BCAS1: variants seen among roughly 807,000 people sequenced by gnomAD.
BCAS1 encodes the protein breast carcinoma-amplified sequence 1.
Under a neutral mutation model 65.4 loss-of-function variants are expected in BCAS1, and 46 were observed. The observed-to-expected ratio is 0.70, with a 90% CI of 0.55 to 0.90. BCAS1 has a LOEUF of 0.90. Among genes scored for constraint, BCAS1 ranks in the 40% least tolerant of loss-of-function variants. The probability of loss-of-function intolerance (pLI) is 0.00; values close to 1 mark genes in which losing one functional copy is unlikely to be tolerated. For missense variants in BCAS1, 793 were observed against 771.2 expected (o/e 1.03, Z -0.33); for synonymous variants, 298 against 293.5 (o/e 1.02, Z -0.16).
At chr20:54,058,994 T>G (rs1048691925) in intron 1 of BCAS1, among the ~76,000 whole-genome samples, 3 of 152,128 alleles carry the variant, frequency 2.0e-5, no homozygotes, top group African/African-American at 4.8e-5. Flanking sequence ...AGAAGACACC[T>G]CTCCACAGGA....
At chr20:53,969,615 G>C (rs147890995) in intron 9 of BCAS1, among the ~76,000 whole-genome samples, 105 of 152,212 alleles carry the variant, frequency 6.9e-4, no homozygotes, top group African/African-American at 2.5e-3. Flanking sequence ...ATGAAAACAT[G>C]GAACAAGAAG....
At chr20:54,058,792 G>A in intron 1 of BCAS1, 69 bp from the exon 2 acceptor site, 1 of 1,578,290 alleles carries the variant, frequency 6.3e-7, no homozygotes, top group Non-Finnish European at 8.6e-7. Context: ...GTGCTACTAA[G>A]GTGCAGAGGC....
intron 1 of BCAS1, among the ~76,000 whole-genome samples, chr20:54,061,836 A>T (rs891966593): frequency 6.6e-6 from 1 of 152,220 alleles, no homozygotes; most frequent in Non-Finnish European, 1.5e-5. Context: ...TGTTAATGGG[A>T]CATTATGAAT....
At chr20:54,004,247 A>G (rs556505692) in intron 4 of BCAS1, among the ~76,000 whole-genome samples, 14 of 152,326 alleles carry the variant, frequency 9.2e-5, no homozygotes, top group African/African-American at 3.4e-4. Context: ...GGGTGCAATG[A>G]GAAGCTGGCC....
chr20:54,051,395 A>G (rs1203760490), intron 3 of BCAS1, among the ~76,000 whole-genome samples: 1 of 152,204 alleles, frequency 6.6e-6, no homozygotes, highest in Admixed American at 6.5e-5. Flanking sequence ...AGATGCAATA[A>G]ATTAACATAC....
At chr20:54,000,564 T>C (rs2091032255) in intron 4 of BCAS1, among the ~76,000 whole-genome samples, 1 of 152,176 alleles carries the variant, frequency 6.6e-6, no homozygotes, top group Non-Finnish European at 1.5e-5. Context: ...TTTTCTTCTC[T>C]CCTTTTCTCT....
chr20:54,028,611 C>A lies in BCAS1; in HGVS notation c.504G>T (p.Arg168Ser). 6.2e-7 allele frequency: 1 copy of A among 1,614,170 alleles called. No homozygotes were observed. The highest frequency in any genetic ancestry group is 8.5e-7 in the Non-Finnish European group (1 of 1,180,040). Residue 168 changes from arginine to serine, a missense_variant, in exon 4 of 13, where the codon AGG becomes AGT. Transcript: ENST00000688948. ...TCTCAGGTGGGAGAAGCGTGGGATC[C>A]CTGGCGGCAGAGAGGACCTTGTCTT... ...PAQDKVLSAA[R>S]DPTLLPPETG...
intron 4 of BCAS1, among the ~76,000 whole-genome samples, chr20:54,005,939 T>C (rs1014496276): frequency 1.3e-5 from 2 of 152,092 alleles, no homozygotes; most frequent in African/African-American, 2.4e-5. Context: ...ATGGGGGTTA[T>C]GAAAAGCAAG....
chr20:54,063,491 T>A (rs2092400514), intron 1 of BCAS1, among the ~76,000 whole-genome samples: 1 of 152,218 alleles, frequency 6.6e-6, no homozygotes, highest in Admixed American at 6.5e-5. Flanking sequence ...CAGCAACATT[T>A]CTGATTCCTG....
chr20:54,024,133 G>C (rs2091620513), intron 4 of BCAS1, among the ~76,000 whole-genome samples: 1 of 152,174 alleles, frequency 6.6e-6, no homozygotes, highest in Non-Finnish European at 1.5e-5. Flanking sequence ...TGAGGCTCAG[G>C]AGGTGAAGTA....
chr20:53,961,243 T>C (rs1325278423), intron 10 of BCAS1, among the ~76,000 whole-genome samples: 3 of 152,238 alleles, frequency 2.0e-5, no homozygotes, highest in Non-Finnish European at 2.9e-5. Flanking sequence ...GGAATGTTAA[T>C]GTATTTTGAT....
chr20:54,018,630 C>T (rs775357127), intron 4 of BCAS1, among the ~76,000 whole-genome samples: 2 of 152,046 alleles, frequency 1.3e-5, no homozygotes, highest in Non-Finnish European at 2.9e-5. Flanking sequence ...GCCACCGCGC[C>T]CAGCCTCCCA....
At chr20:53,992,387 T>C in intron 7 of BCAS1, 125 bp downstream of exon 7, 1 of 742,158 alleles carries the variant, frequency 1.3e-6, no homozygotes, top group East Asian at 6.2e-5. Flanking sequence ...TTTAATTCTC[T>C]TTTAATGATC....
chr20:54,050,712 C>T (rs780218692), intron 3 of BCAS1, among the ~76,000 whole-genome samples: 20 of 152,218 alleles, frequency 1.3e-4, no homozygotes, highest in South Asian at 1.0e-3. Context: ...TGGCCGTCCA[C>T]GCTCTGCCTC....
intron 4 of BCAS1, among the ~76,000 whole-genome samples, chr20:54,010,680 G>A (rs899826175): frequency 6.6e-6 from 1 of 152,124 alleles, no homozygotes; most frequent in African/African-American, 2.4e-5. Context: ...TTGATATACA[G>A]GTTTAATGCA....
At chr20:54,032,788 A>G (rs1430174380) in intron 3 of BCAS1, among the ~76,000 whole-genome samples, 2 of 151,486 alleles carry the variant, frequency 1.3e-5, no homozygotes, top group East Asian at 3.9e-4. Flanking sequence ...TCCTAAGTAT[A>G]TATGCACCAA....
At chr20:54,012,181 C>T (rs2091334438) in intron 4 of BCAS1, among the ~76,000 whole-genome samples, 1 of 152,090 alleles carries the variant, frequency 6.6e-6, no homozygotes, top group Non-Finnish European at 1.5e-5. Flanking sequence ...ATTTAGATAG[C>T]ATTCTTGAAA....
chr20:53,996,672 C>G (rs577995880), intron 4 of BCAS1, among the ~76,000 whole-genome samples: 1 of 152,232 alleles, frequency 6.6e-6, no homozygotes, highest in African/African-American at 2.4e-5. Flanking sequence ...CAGGAAGCTA[C>G]TGCCTCTCCA....
intron 1 of BCAS1, among the ~76,000 whole-genome samples, chr20:54,066,320 C>A (rs991555457): frequency 6.6e-6 from 1 of 151,734 alleles, no homozygotes; most frequent in Non-Finnish European, 1.5e-5. Context: ...GATCCGCCCG[C>A]CTTGGCCTCC....
Sources: allele counts gnomAD v4.1 joint callset (sites outside exome capture counted in the v4.1 genomes callset), GRCh38; gene constraint gnomAD v4.1.1; transcripts MANE v1.5; gene names NCBI Gene and HGNC (gene_info 2026-07-23, HGNC 2026-07-21).